Variants in OPCML observed in about 807,000 individuals in gnomAD.
OPCML encodes opioid binding protein/cell adhesion molecule like.
In OPCML, 13 loss-of-function variants were observed where a neutral mutation model predicts 37.8. The ratio of observed to expected loss-of-function variants is 0.34; its 90% CI spans 0.22 to 0.55. The LOEUF is 0.55. OPCML is among the 20% of genes least tolerant of loss of function. The pLI is 0.91. For synonymous variants in OPCML, 176 were observed against 168.8 expected (o/e 1.04, Z -0.33); for missense variants, 341 against 435.6 (o/e 0.78, Z 1.93).
chr11:133,344,012 T>C (rs891524497), intron 1 of OPCML, among the ~76,000 whole-genome samples: 1 of 152,218 alleles, frequency 6.6e-6, no homozygotes, highest in African/African-American at 2.4e-5. Flanking sequence ...TAATAGCCTT[T>C]ATGATGAAAG....
chr11:132,628,698 A>T (rs1002572727), intron 3 of OPCML, among the ~76,000 whole-genome samples: 4 of 152,106 alleles, frequency 2.6e-5, no homozygotes, highest in Admixed American at 6.5e-5. Flanking sequence ...CTCATCTTGA[A>T]TTGTAGTTCT....
At chr11:132,596,557 A>C (rs891325671) in intron 3 of OPCML, among the ~76,000 whole-genome samples, 1 of 151,980 alleles carries the variant, frequency 6.6e-6, no homozygotes. Context: ...TAGAGCAAAA[A>C]CCTCTAAGGA....
At chr11:132,774,946 C>T (rs976387681) in intron 2 of OPCML, among the ~76,000 whole-genome samples, 1 of 152,170 alleles carries the variant, frequency 6.6e-6, no homozygotes, top group East Asian at 1.9e-4. Context: ...ATGTATTTCT[C>T]GTGTTTTCCC....
intron 2 of OPCML, among the ~76,000 whole-genome samples, chr11:132,874,208 A>G (rs1942922654): frequency 6.6e-6 from 1 of 152,160 alleles, no homozygotes; most frequent in African/African-American, 2.4e-5. Flanking sequence ...TTTTGCTATT[A>G]TTATTATCAT....
chr11:133,170,994 A>G (rs1013125174), intron 1 of OPCML, among the ~76,000 whole-genome samples: 5 of 152,208 alleles, frequency 3.3e-5, no homozygotes, highest in African/African-American at 1.2e-4. Flanking sequence ...ATAAGACAGG[A>G]TCCCAGATAG....
intron 7 of OPCML, among the ~76,000 whole-genome samples, chr11:132,429,501 A>G (rs2095989141): frequency 6.6e-6 from 1 of 152,160 alleles, no homozygotes; most frequent in Non-Finnish European, 1.5e-5. Context: ...AAAAATGACC[A>G]GAGATTCTAG....
intron 1 of OPCML, among the ~76,000 whole-genome samples, chr11:133,417,141 T>A (rs557181885): frequency 6.6e-6 from 1 of 152,308 alleles, no homozygotes; most frequent in African/African-American, 2.4e-5. Context: ...ATGTCCTTTA[T>A]AATAAATAAG....
intron 1 of OPCML, among the ~76,000 whole-genome samples, chr11:133,329,512 T>A (rs1019421934): frequency 1.3e-5 from 2 of 151,722 alleles, no homozygotes; most frequent in African/African-American, 2.4e-5. Context: ...CAGAACAGAG[T>A]CCTCAGAAAT....
chr11:132,786,038 CA>C (rs529604843), intron 2 of OPCML, among the ~76,000 whole-genome samples: 1 of 152,266 alleles, frequency 6.6e-6, no homozygotes, highest in South Asian at 2.1e-4. Context: ...GAAGCAATAT[CA>C]AAGGTTCTCT....
intron 4 of OPCML, among the ~76,000 whole-genome samples, chr11:132,439,231 C>G (rs1238156122): frequency 2.0e-5 from 3 of 152,020 alleles, no homozygotes; most frequent in Non-Finnish European, 2.9e-5. Context: ...GTGAAAGATC[C>G]CCAGACTGAA....
intron 4 of OPCML, among the ~76,000 whole-genome samples, chr11:132,497,700 T>C (rs1940398): frequency 0.28 from 42,480 of 151,944 alleles, 6,653 homozygotes; most frequent in East Asian, 0.62. Flanking sequence ...TGGTCTCAAG[T>C]GGACAGAGGG....
At chr11:133,456,597 G>A (rs557029139) in intron 1 of OPCML, among the ~76,000 whole-genome samples, 3 of 152,132 alleles carry the variant, frequency 2.0e-5, no homozygotes, top group Admixed American at 6.5e-5. Flanking sequence ...AGACTGTCCA[G>A]GAAAAGACTT....
At chr11:133,473,763 C>T (rs1947170426) in intron 1 of OPCML, among the ~76,000 whole-genome samples, 1 of 152,194 alleles carries the variant, frequency 6.6e-6, no homozygotes, top group Admixed American at 6.5e-5. Context: ...AACTTTGTGC[C>T]CAGTACATCC....
intron 3 of OPCML, among the ~76,000 whole-genome samples, chr11:132,605,913 G>T (rs1231509225): frequency 6.6e-6 from 1 of 152,200 alleles, no homozygotes. Context: ...GTTTGCCAGT[G>T]ACCAGCAGCT....
At chr11:133,150,684 G>GGACTCTTTACTTGCCTCCAT in intron 1 of OPCML, among the ~76,000 whole-genome samples, 2 of 152,250 alleles carry the variant, frequency 1.3e-5, no homozygotes, top group African/African-American at 4.8e-5. Context: ...CGGCAAAGGT[G>GGACTCTTTACTTGCCTCCAT]CCCTGGCATC....
intron 1 of OPCML, among the ~76,000 whole-genome samples, chr11:133,342,121 C>T (rs992462732): frequency 4.6e-5 from 7 of 152,082 alleles, no homozygotes. Flanking sequence ...TGTGATATCT[C>T]CCGGCTAGGC....
intron 1 of OPCML, among the ~76,000 whole-genome samples, chr11:133,028,332 T>C (rs1353878715): frequency 6.6e-6 from 1 of 152,056 alleles, no homozygotes; most frequent in African/African-American, 2.4e-5. Flanking sequence ...AAAGGGTGCA[T>C]GTCCATACCA....
intron 1 of OPCML, among the ~76,000 whole-genome samples, chr11:133,009,564 C>T (rs1204179112): frequency 6.6e-6 from 1 of 152,196 alleles, no homozygotes; most frequent in Non-Finnish European, 1.5e-5. Flanking sequence ...CAGTAGAAAG[C>T]AGCATTCCCC....
intron 2 of OPCML, among the ~76,000 whole-genome samples, chr11:132,751,948 C>T (rs1333622271): frequency 1.3e-5 from 2 of 152,200 alleles, no homozygotes; most frequent in Admixed American, 6.5e-5. Context: ...ATAACACTAT[C>T]TCTGCATTTC....
Sources: gnomAD v4.1 joint callset for allele counts (sites outside exome capture counted in the v4.1 genomes callset) on GRCh38, gnomAD v4.1.1 for gene constraint, MANE v1.5 for transcripts, NCBI Gene and HGNC (gene_info 2026-07-23, HGNC 2026-07-21) for gene names.